Variants in FIBCD1 observed in about 807,000 individuals in gnomAD.
FIBCD1 encodes fibrinogen C domain-containing protein 1.
In FIBCD1, 47 loss-of-function variants were observed where a neutral mutation model predicts 45.1. The ratio of observed to expected loss-of-function variants is 1.04; its 90% CI spans 0.82 to 1.33. FIBCD1 has a LOEUF of 1.33. FIBCD1 is among the 40% of genes most tolerant of loss of function. The pLI is 0.00. For missense variants in FIBCD1, 653 were observed against 682.2 expected (o/e 0.96, Z 0.48); for synonymous variants, 313 against 308.1 (o/e 1.02, Z -0.17).
intron 1 of FIBCD1, among the ~76,000 whole-genome samples, chr9:130,930,343 CGCAGGGAGAT>C (rs1430182872): frequency 6.7e-5 from 10 of 149,416 alleles, no homozygotes; most frequent in Non-Finnish European, 1.5e-4. Context: ...CGCGGGGAGA[CGCAGGGAGAT>C]GCAGGGAGAC....
chr9:130,912,040 G>A, intron 4 of FIBCD1, 152 bp from the exon 5 acceptor site: 1 of 649,700 alleles, frequency 1.5e-6, no homozygotes, highest in Non-Finnish European at 2.7e-6. Context: ...TCCCGCAACG[G>A]CCCCTGGCCA....
chr9:130,917,020 C>G (rs1352118355), intron 4 of FIBCD1, among the ~76,000 whole-genome samples: 1 of 152,212 alleles, frequency 6.6e-6, no homozygotes, highest in East Asian at 1.9e-4. Context: ...ATCACTTGAA[C>G]CTGGGAGGCA....
chr9:130,937,671 G>T (rs1832539496), intron 1 of FIBCD1, among the ~76,000 whole-genome samples: 1 of 152,214 alleles, frequency 6.6e-6, no homozygotes, highest in Non-Finnish European at 1.5e-5. Flanking sequence ...TCCTTGGTGA[G>T]CGAGCGGCCT....
chr9:130,904,263 T>C lies in FIBCD1; in HGVS notation c.1187A>G (p.His396Arg). 1.9e-6 allele frequency: 3 copies of C among 1,613,662 alleles called. No individual in the cohort carries two copies. The highest frequency in any genetic ancestry group is 2.5e-6 in the Non-Finnish European group (3 of 1,179,964). The change falls in exon 7 of 7, where the codon CAT becomes CGT. Residue 396 changes from histidine to arginine, a missense_variant. Physicochemically the swap from His to Arg is conservative, Grantham distance 29 (BLOSUM62 0). Transcript: ENST00000372338. ...GAAGGCGGCACAGTTGTTCTCTGAA[T>C]GGTCGCTGTCACGGTCCTTGGTGGT... ...RFTTKDRDSD[H>R]SENNCAAFYR... is the part of the protein sequence containing the mutation.
At chr9:130,939,278 G>A (rs1832576498), upstream of FIBCD1, 1 of 152,134 alleles carries the variant, frequency 6.6e-6, no homozygotes, top group Non-Finnish European at 1.5e-5. Context: ...CGTCTCCGGG[G>A]AGTGGCGCGG....
Position 130,929,939 on chromosome 9 carries a change from C to T in FIBCD1, c.180G>A (p.Pro60=), listed in dbSNP as rs917250737. ...TGACGACAGGTGGGGGCGCCGTGCCCGGCGCGTGGGCGTGGTTCAGGAAGA... is the reference window on the plus strand; with the variant it reads ...TGACGACAGGTGGGGGCGCCGTGCCTGGCGCGTGGGCGTGGTTCAGGAAGA... ...AVLFLNHAHA[P]GTAPPPVVST... is the part of the protein sequence containing the mutation. The change falls in exon 2 of 7, where the codon CCG becomes CCA. Residue 60 remains proline, a synonymous_variant. Coordinates refer to ENST00000372338, the MANE Select transcript of FIBCD1 (RefSeq NM_032843.5). 1.1e-5 allele frequency: 17 copies of T among 1,548,950 alleles called. No homozygotes were observed. Among genetic ancestry groups the T allele is most frequent in the African/African-American group, 5.5e-5 (4 of 73,160 alleles).
In FIBCD1 at chr9:130,903,733, T is replaced by C; in HGVS notation, c.*331A>G. On this transcript the variant is annotated 3_prime_UTR_variant, in exon 7 of 7. Transcript: ENST00000372338. ...TTGGCCGGGCAGGGCAGAGGGTGCC[T>C]GGGGCAGACTCCACCATCCTGGCCA... The C allele has an allele frequency of 2.2e-6, 1 of 461,890 alleles. No homozygotes were observed. Among genetic ancestry groups the C allele is most frequent in the Non-Finnish European group, 4.0e-6 (1 of 247,150 alleles). 28.6% of individuals were successfully genotyped at this position (461,890 alleles called of 1,614,324 possible).
chr9:130,911,221 G>A (rs1425241667), intron 5 of FIBCD1, among the ~76,000 whole-genome samples: 3 of 152,170 alleles, frequency 2.0e-5, no homozygotes, highest in Admixed American at 6.5e-5. Context: ...CCAGAAGGAA[G>A]AAACTCCGAA....
At chr9:130,930,794 C>T (rs1382536076) in intron 1 of FIBCD1, 2 of 456,212 alleles carry the variant, frequency 4.4e-6, no homozygotes, top group East Asian at 7.0e-5. Flanking sequence ...TCAGTTTCCT[C>T]GCCTGTAAAA....
At chr9:130,927,119 T>C (rs1372676936) in intron 2 of FIBCD1, among the ~76,000 whole-genome samples, 1 of 152,024 alleles carries the variant, frequency 6.6e-6, no homozygotes, top group Non-Finnish European at 1.5e-5. Context: ...GGTGCACACT[T>C]GTAGTGACTG....
At position 130,935,695 on chromosome 9, in the gene FIBCD1, A is replaced by G. The variant is rs143527805; in HGVS notation, c.72+2841T>C. ...TCCCAACTGGGGCTGAGTGGGCTGA[A>G]CCAAGAAAGGGCGGCCAGCCACCCC... On this transcript the variant is annotated intron_variant, in intron 1 of 6. Transcript: ENST00000372338. Among the ~76,000 whole-genome samples the G allele has an allele frequency of 3.7e-4, 56 of 152,348 alleles. 2 individuals carry two copies. The East Asian group carries it at 9.6e-3, about 26-fold the overall frequency.
Position 130,929,809 on chromosome 9 carries a change from T to C in FIBCD1, c.310A>G (p.Ser104Gly). 6.4e-7 allele frequency: 1 copy of C among 1,551,296 alleles called. No individual in the cohort carries two copies. ...IDPRCPDLTD[S>G]FARLESAQAS... is the part of the protein sequence containing the mutation. ...TGGGCGCTCTCCAGGCGTGCGAAGC[T>C]GTCGGTGAGGTCGGGGCAGCGCGGG... is the stretch of plus-strand genomic sequence containing the variant. The change falls in exon 2 of 7, where the codon AGC becomes GGC. Residue 104 changes from serine to glycine, a missense_variant. Physicochemically the swap from Ser to Gly is moderately conservative, Grantham distance 56. Coordinates refer to ENST00000372338, the MANE Select transcript of FIBCD1 (RefSeq NM_032843.5).
chr9:130,916,716 A>G (rs1228160889), intron 4 of FIBCD1, among the ~76,000 whole-genome samples: 1 of 152,218 alleles, frequency 6.6e-6, no homozygotes, highest in African/African-American at 2.4e-5. Flanking sequence ...GGATGGGAGG[A>G]CAGAGGGAGG....
intron 2 of FIBCD1, among the ~76,000 whole-genome samples, chr9:130,925,578 T>G (rs1832344573): frequency 6.6e-6 from 1 of 152,172 alleles, no homozygotes; most frequent in Middle Eastern, 3.4e-3. Context: ...CAGGAGAGCC[T>G]GGGCTGGGGA....
At chr9:130,928,472 G>A (rs1832392105) in intron 2 of FIBCD1, among the ~76,000 whole-genome samples, 1 of 152,252 alleles carries the variant, frequency 6.6e-6, no homozygotes, top group Non-Finnish European at 1.5e-5. Context: ...TGGAGGGGCA[G>A]CTGGAAGGCG....
intron 1 of FIBCD1, among the ~76,000 whole-genome samples, chr9:130,937,148 G>A (rs987120598): frequency 6.6e-6 from 1 of 152,172 alleles, no homozygotes; most frequent in Non-Finnish European, 1.5e-5. Flanking sequence ...GATGGCCTTG[G>A]AGGACAGGTC....
At chr9:130,919,508 C>T (rs1832221898) in intron 4 of FIBCD1, among the ~76,000 whole-genome samples, 1 of 152,324 alleles carries the variant, frequency 6.6e-6, no homozygotes, top group African/African-American at 2.4e-5. Flanking sequence ...TCCAGGCTGG[C>T]ACCTGGGGAG....
At chr9:130,930,741 C>T (rs539310165) in intron 1 of FIBCD1, 5 of 455,720 alleles carry the variant, frequency 1.1e-5, no homozygotes, top group African/African-American at 6.0e-5. Flanking sequence ...AGCTGCATTT[C>T]CCACAGTGTG....
At chr9:130,920,243 CCTTT>C (rs1832237967) in intron 4 of FIBCD1, among the ~76,000 whole-genome samples, 3 of 152,122 alleles carry the variant, frequency 2.0e-5, no homozygotes, top group Admixed American at 1.3e-4. Flanking sequence ...GGACATCTGG[CCTTT>C]CTTTTTACCA....
Sources: allele counts gnomAD v4.1 joint callset (sites outside exome capture counted in the v4.1 genomes callset), GRCh38; gene constraint gnomAD v4.1.1; transcripts MANE v1.5; gene names NCBI Gene and HGNC (gene_info 2026-07-23, HGNC 2026-07-21).